The following PTPRN2 variants were observed in gnomAD, a reference collection of about 807,000 sequenced individuals.
PTPRN2 encodes receptor-type tyrosine-protein phosphatase N2.
In PTPRN2, 74 loss-of-function variants were observed where a neutral mutation model predicts 118.8. The observed-to-expected ratio is 0.62, with a 90% CI of 0.52 to 0.76. The LOEUF (loss-of-function observed/expected upper bound fraction) is 0.76, where lower values mean the gene tolerates loss of function less well. Among genes scored for constraint, PTPRN2 ranks in the 30% least tolerant of loss-of-function variants. PTPRN2 has a pLI of 0.00. For synonymous variants in PTPRN2, 641 were observed against 608.0 expected, an observed-to-expected ratio of 1.05 and a Z score of -0.80; for missense variants, 1,481 against 1,394.4, an observed-to-expected ratio of 1.06 and a Z score of -0.99.
chr7:157,863,743 T>G (rs1428301595), intron 12 of PTPRN2: 1 of 152,106 alleles, frequency 6.6e-6, no homozygotes, highest in Non-Finnish European at 1.5e-5. Context: ...ATGGCGACCC[T>G]GACCCAGCAG....
At chr7:157,983,881 G>T (rs766649715) in intron 11 of PTPRN2, among the ~76,000 whole-genome samples, 1 of 152,176 alleles carries the variant, frequency 6.6e-6, no homozygotes, top group Non-Finnish European at 1.5e-5. Flanking sequence ...CTAGTGTCCT[G>T]GTGCCTGGAC....
At chr7:157,565,576 G>C (rs1799446536) in intron 21 of PTPRN2, among the ~76,000 whole-genome samples, 1 of 152,206 alleles carries the variant, frequency 6.6e-6, no homozygotes, top group Admixed American at 6.5e-5. Context: ...GCATTTCTGT[G>C]CTGGCCCCTG....
chr7:157,905,128 T>C lies in PTPRN2; in HGVS notation c.1724-6391A>G, dbSNP rs368411364. Among the ~76,000 whole-genome samples the C allele has an allele frequency of 6.4e-4, 97 of 152,344 alleles. 3 individuals are homozygous for C. The South Asian group carries it at 0.018, about 29-fold the overall frequency. ...GCCCGCCGTCCTCTCGCGGGACTTTTGCCCACACCTGTGTAACTGAGGACT... is the reference window on the plus strand; with the variant it reads ...GCCCGCCGTCCTCTCGCGGGACTTTCGCCCACACCTGTGTAACTGAGGACT... On this transcript the variant is annotated intron_variant, in intron 11 of 22. Coordinates refer to ENST00000389418, the MANE Select transcript of PTPRN2 (RefSeq NM_002847.5).
At position 157,787,278 on chromosome 7, in the gene PTPRN2, T is replaced by G. The variant is rs1483736892; in HGVS notation, c.1789-104341A>C. 6.6e-6 allele frequency among the ~76,000 whole-genome samples: 1 copy of G among 152,148 alleles called. No homozygotes were observed. Among genetic ancestry groups the G allele is most frequent in the Non-Finnish European group, 1.5e-5 (1 of 68,012 alleles). On this transcript the variant is annotated intron_variant, in intron 12 of 22. Coordinates refer to ENST00000389418, the MANE Select transcript of PTPRN2 (RefSeq NM_002847.5). The surrounding 1 kb of genome is among the most constrained non-coding windows in gnomAD (Gnocchi z 5.3). ...TGCCAGTGGATGCCCACAACCCCTC[T>G]GGGGTGTCGGGGATCAGGTGAGCAA...
chr7:158,159,328 C>A (rs1822150876), intron 6 of PTPRN2, among the ~76,000 whole-genome samples: 1 of 152,244 alleles, frequency 6.6e-6, no homozygotes, highest in South Asian at 2.1e-4. Flanking sequence ...GCACTTCCCA[C>A]ATGAACACCA....
chr7:158,293,752 T>C (rs1429301592), intron 3 of PTPRN2, among the ~76,000 whole-genome samples: 1 of 28,762 alleles, frequency 3.5e-5, no homozygotes, highest in Non-Finnish European at 7.5e-5. Context: ...TAAAACTTTT[T>C]TGTTAAAAAA....
intron 11 of PTPRN2, among the ~76,000 whole-genome samples, chr7:158,026,372 C>A (rs1035606393): frequency 3.3e-5 from 5 of 152,166 alleles, no homozygotes; most frequent in Non-Finnish European, 7.3e-5. Flanking sequence ...TAACGCAAAG[C>A]AAACAACATC....
intron 2 of PTPRN2, among the ~76,000 whole-genome samples, chr7:158,403,426 C>T (rs867896773): frequency 1.3e-5 from 2 of 152,224 alleles, no homozygotes; most frequent in South Asian, 2.1e-4. Context: ...CAACCCTGGA[C>T]AGGCCCGGGC....
chr7:157,677,109 C>T (rs971122802), intron 13 of PTPRN2, among the ~76,000 whole-genome samples: 9 of 152,110 alleles, frequency 5.9e-5, no homozygotes, highest in Non-Finnish European at 1.3e-4. Context: ...CTTTCCTGCG[C>T]CCCTCCTTGT....
intron 9 of PTPRN2, among the ~76,000 whole-genome samples, chr7:158,127,869 A>G (rs1817826872): frequency 6.6e-6 from 1 of 152,198 alleles, no homozygotes; most frequent in Non-Finnish European, 1.5e-5. Flanking sequence ...TCCTTGGAGG[A>G]CTGGGGCGGC....
intron 10 of PTPRN2, among the ~76,000 whole-genome samples, chr7:158,096,257 T>C (rs1814619960): frequency 6.6e-6 from 1 of 152,174 alleles, no homozygotes; most frequent in South Asian, 2.1e-4. Flanking sequence ...AGTCTCAAGA[T>C]GGTACCAGCA....
chr7:158,000,003 C>T (rs1254782293), intron 11 of PTPRN2, among the ~76,000 whole-genome samples: 1 of 152,114 alleles, frequency 6.6e-6, no homozygotes, highest in African/African-American at 2.4e-5. Flanking sequence ...TCTGATGCCT[C>T]AGCCTCGCGA....
At chr7:158,551,140 G>T (rs73510572) in intron 1 of PTPRN2, among the ~76,000 whole-genome samples, 1,971 of 152,370 alleles carry the variant, frequency 0.013, 50 homozygotes, top group African/African-American at 0.044. Context: ...TGAGACTGGA[G>T]GTCCAAGATC....
At chr7:158,200,529 A>C (rs1470179519) in intron 4 of PTPRN2, among the ~76,000 whole-genome samples, 1 of 152,234 alleles carries the variant, frequency 6.6e-6, no homozygotes, top group Non-Finnish European at 1.5e-5. Context: ...TACAATTGAC[A>C]CATTTTTACC....
At chr7:157,569,378 G>T (rs368699085) in intron 20 of PTPRN2, among the ~76,000 whole-genome samples, 2 of 152,274 alleles carry the variant, frequency 1.3e-5, no homozygotes, top group African/African-American at 4.8e-5. Flanking sequence ...AGCGGAGAGG[G>T]GAGGGCGCTG....
At chr7:157,577,648 T>C (rs1800128230) in intron 18 of PTPRN2, among the ~76,000 whole-genome samples, 1 of 152,214 alleles carries the variant, frequency 6.6e-6, no homozygotes, top group African/African-American at 2.4e-5. Context: ...GCTTGTTATA[T>C]GGGACCGGGA....
intron 6 of PTPRN2, among the ~76,000 whole-genome samples, chr7:158,153,900 G>A (rs1318801698): frequency 4.5e-4 from 10 of 22,306 alleles, no homozygotes; most frequent in Non-Finnish European, 1.0e-3. Context: ...GGGTGTGCTC[G>A]CTCGGAAGGC....
At chr7:157,941,341 G>A (rs71544516) in intron 11 of PTPRN2, among the ~76,000 whole-genome samples, 42,467 of 83,292 alleles carry the variant, frequency 0.51, 15,421 homozygotes, top group Non-Finnish European at 0.59. Flanking sequence ...CCACGACACT[G>A]CAAATCTGAC....
Position 157,953,859 on chromosome 7 carries a change from A to C in PTPRN2, c.1724-55122T>G. Among the ~76,000 whole-genome samples the C allele has an allele frequency of 6.6e-6, 1 of 152,128 alleles. No homozygotes were observed. Among genetic ancestry groups the C allele is most frequent in the East Asian group, 1.9e-4 (1 of 5,180 alleles). On this transcript the variant is annotated intron_variant, in intron 11 of 22. Coordinates refer to ENST00000389418, the MANE Select transcript of PTPRN2 (RefSeq NM_002847.5). The surrounding 1 kb of genome is among the most constrained non-coding windows in gnomAD (Gnocchi z 4.6). ...GCTGGAGAAATGTAAGCAAATCCGC[A>C]TTTCGAAGCAGAAATCGCTGGTTTA... is the stretch of plus-strand genomic sequence containing the variant.
Sources: allele counts gnomAD v4.1 joint callset (sites outside exome capture counted in the v4.1 genomes callset), GRCh38; gene constraint gnomAD v4.1.1; non-coding constraint Gnocchi (gnomAD v3.1); transcripts MANE v1.5; gene names NCBI Gene and HGNC (gene_info 2026-07-23, HGNC 2026-07-21).